ADAP1: variants seen among roughly 807,000 people sequenced by gnomAD.
ADAP1 encodes ArfGAP with dual PH domains 1, also known as arf-GAP with dual PH domain-containing protein 1.
A neutral mutation model predicts 54.9 loss-of-function variants in ADAP1; 31 were observed. That is an observed-to-expected ratio of 0.56 (90% CI 0.42 to 0.76). ADAP1 has a LOEUF of 0.76. ADAP1 is among the 30% of genes least tolerant of loss of function. The pLI is 0.00. For synonymous variants in ADAP1, 313 were observed against 202.6 expected, an observed-to-expected ratio of 1.55 and a Z score of -4.63; for missense variants, 535 against 512.4, an observed-to-expected ratio of 1.04 and a Z score of -0.42.
At chr7:916,062 G>A (rs896202444) in intron 4 of ADAP1, among the ~76,000 whole-genome samples, 2 of 152,230 alleles carry the variant, frequency 1.3e-5, no homozygotes, top group Admixed American at 1.3e-4. Context: ...GGGGCCAGAG[G>A]CGGGCACGCC....
intron 3 of ADAP1, among the ~76,000 whole-genome samples, chr7:923,772 G>T (rs954057601): frequency 6.6e-6 from 1 of 152,134 alleles, no homozygotes; most frequent in African/African-American, 2.4e-5. Context: ...CTTAGCTCCT[G>T]CGAAGACGCC....
Position 898,883 on chromosome 7 carries a change from CAGTG to C in ADAP1, c.*34_*37del, listed in dbSNP as rs762973922. ...TCCACGGGTCCCCTCCGTCCAGCCA[CAGTG>C]AGTCCAATGTCCGTGGTCCTCCAGC... On this transcript the variant is annotated 3_prime_UTR_variant, in exon 11 of 11. Coordinates refer to ENST00000265846, the MANE Select transcript of ADAP1 (RefSeq NM_006869.4). 1.1e-5 allele frequency: 18 copies of C among 1,577,700 alleles called. No individual in the cohort carries two copies. The South Asian group carries it at 2.1e-4, about 18-fold the overall frequency.
intron 4 of ADAP1, chr7:905,669 A>AGAAAGGGAAAGGAGAAAGGAGAAAGG (rs1845196459): frequency 2.2e-5 from 1 of 44,744 alleles, no homozygotes; most frequent in Non-Finnish European, 4.1e-5. Context: ...AGGAGAAAGG[A>AGAAAGGGAAAGGAGAAAGGAGAAAGG]GAAAGGGAAA....
Position 926,860 on chromosome 7 carries a change from T to G in ADAP1, c.214-216A>C, listed in dbSNP as rs1468980907. The G allele has an allele frequency of 9.6e-6, 8 of 829,748 alleles. No homozygotes were observed. The highest frequency in any genetic ancestry group is 1.4e-5 in the Non-Finnish European group (8 of 569,792). The allele number at this position is 829,748 out of a possible 1,614,324, so 51.4% of individuals were successfully genotyped here. On this transcript the variant is annotated intron_variant, in intron 2 of 10. Transcript: ENST00000265846. The surrounding 1 kb of genome is among the most constrained non-coding windows in gnomAD (Gnocchi z 4.6). ...GGGACAGGGAAGGAGCCAGCGTCCC[T>G]AACGACGGGGTCCCGGCAAAGGGGG...
At chr7:912,205 C>A (rs1473920974) in intron 4 of ADAP1, among the ~76,000 whole-genome samples, 2 of 152,196 alleles carry the variant, frequency 1.3e-5, no homozygotes, top group East Asian at 3.9e-4. Flanking sequence ...GAAGCTCCGA[C>A]AGGAGCACGG....
rs761570809 is a variant in ADAP1, at chr7:929,291, C to CA, written c.214-2648dup. ...TGGCTGACAGAGCGAGACTCCATCT[C>CA]AAAAAAAAAAAAAAAAGAGCAACAC... On this transcript the variant is annotated intron_variant, in intron 2 of 10. Transcript: ENST00000265846. Among the ~76,000 whole-genome samples the CA allele has an allele frequency of 8.2e-3, 788 of 95,862 alleles. 3 individuals carry two copies. The highest frequency in any genetic ancestry group is 0.016 in the African/African-American group (408 of 26,164). 62.9% of individuals were successfully genotyped at this position (95,862 alleles called of 152,430 possible).
rs747269941 is a variant in ADAP1, at chr7:899,523, T to TCGCCGAGGCAGGC, written c.796-46_796-34dup. The TCGCCGAGGCAGGC allele has an allele frequency of 6.9e-6, 11 of 1,603,830 alleles. No individual in the cohort carries two copies. In the South Asian group the frequency reaches 1.0e-4, roughly 15 times the overall value. On this transcript the variant is annotated intron_variant, in intron 8 of 10. Transcript: ENST00000265846. ...TCAGAGAGGGCCCGTGACCGGCAGG[T>TCGCCGAGGCAGGC]CGCCGAGGCAGGCCCTACATCCAGC...
intron 1 of ADAP1, among the ~76,000 whole-genome samples, chr7:940,140 A>T (rs1406699504): frequency 6.6e-6 from 1 of 152,078 alleles, no homozygotes. Flanking sequence ...CACAACATGA[A>T]CAGCCTACTG....
intron 4 of ADAP1, among the ~76,000 whole-genome samples, chr7:907,672 A>C (rs1845529479): frequency 6.6e-6 from 1 of 152,060 alleles, no homozygotes; most frequent in South Asian, 2.1e-4. Context: ...ACTCAGATGC[A>C]GCTTCTTCTA....
intron 1 of ADAP1, among the ~76,000 whole-genome samples, chr7:947,991 C>T (rs1020201802): frequency 6.6e-6 from 1 of 151,980 alleles, no homozygotes; most frequent in Non-Finnish European, 1.5e-5. Flanking sequence ...ACCACCAGCC[C>T]CTTTACCCCA....
At chr7:915,748 G>A (rs1320617929) in intron 4 of ADAP1, among the ~76,000 whole-genome samples, 1 of 152,182 alleles carries the variant, frequency 6.6e-6, no homozygotes, top group African/African-American at 2.4e-5. Context: ...TGGGTCACCA[G>A]GCCTGTCACC....
rs765174543 is a variant in ADAP1, at chr7:900,105, G to C, written c.792C>G (p.Pro264=). 2.2e-4 allele frequency: 351 copies of C among 1,613,026 alleles called. No homozygotes were observed. The highest frequency in any genetic ancestry group is 2.9e-4 in the Non-Finnish European group (341 of 1,179,916). ...GCCGCACGTGCGGCACACCCACCTT[G>C]GGCCCCGTCTTCTCCATGTAGCCTT... ...LKEGYMEKTG[P]KQTEGFRKRW... Residue 264 remains proline, a synonymous_variant, in exon 8 of 11, where the codon CCC becomes CCG. Transcript: ENST00000265846.
chr7:904,253 A>G lies in ADAP1; in HGVS notation c.521T>C (p.Val174Ala), dbSNP rs945204362. ...NRNDAKEPKA[V>A]MKIEHLNATF... is the part of the protein sequence containing the mutation. ...GGCGTTCAGGTGCTCGATCTTCATC[A>G]CGGCCTTGGGCTCCTTGGCCTGAGA... Residue 174 changes from valine (V) to alanine (A), a missense_variant, in exon 6 of 11, where the codon GTG (valine) becomes GCG (alanine). Transcript: ENST00000265846. 1.2e-6 allele frequency: 2 copies of G among 1,603,592 alleles called. No individual in the cohort carries two copies. The highest frequency in any genetic ancestry group is 1.7e-5 in the Admixed American group (1 of 59,362).
At chr7:900,947 G>A (rs1167577591) in intron 6 of ADAP1, 6 of 552,386 alleles carry the variant, frequency 1.1e-5, no homozygotes, top group East Asian at 4.7e-5. Flanking sequence ...CTGTGGCCCT[G>A]GTGCTGCTGG....
chr7:899,724 G>C (rs976194062), intron 8 of ADAP1, among the ~76,000 whole-genome samples: 1 of 152,072 alleles, frequency 6.6e-6, no homozygotes. Flanking sequence ...CTGGGCCCCA[G>C]ATGGGGGCCC....
Position 920,613 on chromosome 7 carries a change from C to A in ADAP1, c.306-563G>T, listed in dbSNP as rs988875646. ...GCACCCGTCGAGGTCAGGAGGCGTCCGGGGCATCAGGAGAAACTACCGGCA... is the reference window on the plus strand; with the variant it reads ...GCACCCGTCGAGGTCAGGAGGCGTCAGGGGCATCAGGAGAAACTACCGGCA... On this transcript the variant is annotated intron_variant, in intron 3 of 10. Transcript: ENST00000265846. The surrounding 1 kb of genome is among the most constrained non-coding windows in gnomAD (Gnocchi z 4.5). Among the ~76,000 whole-genome samples the A allele has an allele frequency of 6.6e-6, 1 of 152,058 alleles. No homozygotes were observed. The highest frequency in any genetic ancestry group is 1.5e-5 in the Non-Finnish European group (1 of 67,988).
At chr7:921,684 C>A (rs1332673015) in intron 3 of ADAP1, among the ~76,000 whole-genome samples, 1 of 152,214 alleles carries the variant, frequency 6.6e-6, no homozygotes, top group Non-Finnish European at 1.5e-5. Flanking sequence ...TCGGGGGACA[C>A]CGTGCAGCTG....
In ADAP1 at chr7:904,282, G is replaced by T. The variant is rs773671401; in HGVS notation, c.502-10C>A. ...CCTTGGGCTCCTTGGCCTGAGAAGG[G>T]GTGGGGTCTAAGCACCTCACAGGGG... On this transcript the variant is annotated splice_polypyrimidine_tract_variant and intron_variant, in intron 5 of 10. Transcript: ENST00000265846. 4 of 1,580,278 alleles carry T rather than the reference G, an allele frequency of 2.5e-6. No homozygotes were observed. In the African/African-American group the frequency reaches 5.4e-5, roughly 21 times the overall value.
intron 4 of ADAP1, 152 bp from the exon 5 acceptor site, chr7:905,324 A>ACACGGGGGGAGAGGGGT (rs1845085445): frequency 1.9e-6 from 1 of 521,404 alleles, no homozygotes; most frequent in Non-Finnish European, 3.5e-6. Flanking sequence ...GGGAGAGGGG[A>ACACGGGGGGAGAGGGGT]CATGGAGGAG....
Sources: allele counts gnomAD v4.1 joint callset (sites outside exome capture counted in the v4.1 genomes callset), GRCh38; gene constraint gnomAD v4.1.1; non-coding constraint Gnocchi (gnomAD v3.1); transcripts MANE v1.5; gene names NCBI Gene and HGNC (gene_info 2026-07-23, HGNC 2026-07-21).